THSD7B: variants seen among roughly 807,000 people sequenced by gnomAD.
THSD7B encodes the protein thrombospondin type 1 domain containing 7B, also known as thrombospondin type-1 domain-containing protein 7B.
Under a neutral mutation model 213.6 loss-of-function variants are expected in THSD7B, and 138 were observed. The ratio of observed to expected loss-of-function variants is 0.65; its 90% CI spans 0.56 to 0.74. The LOEUF (loss-of-function observed/expected upper bound fraction) is 0.74, where lower values mean the gene tolerates loss of function less well. Ranked by LOEUF, THSD7B falls within the 30% of genes least tolerant of loss-of-function variation. THSD7B has a pLI of 0.00. For synonymous variants in THSD7B, 742 were observed against 687.0 expected (o/e 1.08, Z -1.25); for missense variants, 1,931 against 1,991.5 (o/e 0.97, Z 0.58).
intron 16 of THSD7B, 38 bp downstream of exon 16, chr2:137,563,392 G>A (rs1400850874): frequency 1.2e-6 from 2 of 1,607,576 alleles, no homozygotes; most frequent in Admixed American, 3.4e-5. Context: ...ATAGGGGGAA[G>A]TGGAACTTAT....
rs3050089 is a variant in THSD7B at position 137,097,769 on chromosome 2, GACACACACACACAC to G, written c.1199+2675_1199+2688del. On this transcript the variant is annotated intron_variant, in intron 4 of 27. Coordinates refer to ENST00000409968, the MANE Select transcript of THSD7B (RefSeq NM_001316349.2). Reference sequence around the variant, plus strand: ...ACTGTTTGAAAATGCCGCTAAGTTTGACACACACACACACACACACACACACACACACACACACA... The same window carrying G: ...ACTGTTTGAAAATGCCGCTAAGTTTGACACACACACACACACACACACACA... 9.9e-5 allele frequency among the ~76,000 whole-genome samples: 14 copies of G among 141,448 alleles called. No homozygotes were observed. The South Asian group carries it at 1.9e-3, about 19-fold the overall frequency. 92.8% of individuals were successfully genotyped at this position (141,448 alleles called of 152,430 possible).
At chr2:137,087,266 T>C (rs1474279928) in intron 3 of THSD7B, among the ~76,000 whole-genome samples, 4 of 152,172 alleles carry the variant, frequency 2.6e-5, no homozygotes, top group African/African-American at 7.2e-5. Context: ...TTTATACTTA[T>C]TAATTACACT....
chr2:137,075,097 G>T (rs557018663), intron 3 of THSD7B, among the ~76,000 whole-genome samples: 15 of 152,058 alleles, frequency 9.9e-5, no homozygotes, highest in Admixed American at 2.0e-4. Flanking sequence ...TATCTTTGTG[G>T]CGTTCTGTGT....
intron 2 of THSD7B, among the ~76,000 whole-genome samples, chr2:136,948,035 T>C (rs1684973609): frequency 6.6e-6 from 1 of 152,246 alleles, no homozygotes; most frequent in South Asian, 2.1e-4. Context: ...TGAGTTTACA[T>C]GACCATCTTC....
chr2:137,155,694 C>T (rs942920922), intron 5 of THSD7B, among the ~76,000 whole-genome samples: 1 of 152,088 alleles, frequency 6.6e-6, no homozygotes, highest in South Asian at 2.1e-4. Context: ...CTCACTGCCT[C>T]CTTGATGGGG....
At chr2:137,052,029 T>C (rs1159296254) in intron 2 of THSD7B, among the ~76,000 whole-genome samples, 1 of 152,178 alleles carries the variant, frequency 6.6e-6, no homozygotes, top group Non-Finnish European at 1.5e-5. Flanking sequence ...ATTACAGCAT[T>C]CACATATTTG....
chr2:137,317,385 A>T (rs113500982), intron 12 of THSD7B, among the ~76,000 whole-genome samples: 14 of 152,370 alleles, frequency 9.2e-5, no homozygotes, highest in Non-Finnish European at 1.8e-4. Flanking sequence ...ACGTTCTGCA[A>T]TTACCTAACA....
At chr2:136,829,564 C>G (rs1371189355) in intron 1 of THSD7B, among the ~76,000 whole-genome samples, 1 of 152,140 alleles carries the variant, frequency 6.6e-6, no homozygotes, top group Non-Finnish European at 1.5e-5. Flanking sequence ...AGAAGAAAAT[C>G]TGTGGTCATA....
chr2:137,395,809 G>A (rs1488080182), intron 12 of THSD7B, among the ~76,000 whole-genome samples: 19 of 150,332 alleles, frequency 1.3e-4, no homozygotes, highest in Admixed American at 6.6e-4. Flanking sequence ...CTTTTTGGTT[G>A]GTAAACTATT....
chr2:137,389,993 G>A (rs910049610), intron 12 of THSD7B, among the ~76,000 whole-genome samples: 1 of 152,098 alleles, frequency 6.6e-6, no homozygotes, highest in Non-Finnish European at 1.5e-5. Context: ...GATGCCTCCA[G>A]CTTTGTTCTT....
intron 2 of THSD7B, among the ~76,000 whole-genome samples, chr2:137,004,290 C>T (rs1424363529): frequency 7.9e-6 from 1 of 126,888 alleles, no homozygotes; most frequent in South Asian, 2.8e-4. Flanking sequence ...AGTGTGTGTG[C>T]ACACGTACAC....
Position 137,444,264 on chromosome 2 carries a change from T to C in THSD7B, c.2960-6581T>C, listed in dbSNP as rs141964052. Among the ~76,000 whole-genome samples the C allele has an allele frequency of 3.9e-5, 6 of 152,206 alleles. No homozygotes were observed. The East Asian group carries it at 9.6e-4, about 24-fold the overall frequency. ...TCACCAAGGCAAGCTGGTAACTCTA[T>C]TGCATTTGATTTACATTTTCACATG... is the stretch of plus-strand genomic sequence containing the variant. On this transcript the variant is annotated intron_variant, in intron 14 of 27. Coordinates refer to ENST00000409968, the MANE Select transcript of THSD7B (RefSeq NM_001316349.2).
At chr2:137,305,446 G>A (rs893610874) in intron 12 of THSD7B, among the ~76,000 whole-genome samples, 1 of 152,110 alleles carries the variant, frequency 6.6e-6, no homozygotes, top group Non-Finnish European at 1.5e-5. Context: ...TTGGAACCCA[G>A]GAGGATGAAT....
rs115120161 is a variant in THSD7B, at chr2:137,248,116, T to C, written c.2266+5544T>C. On this transcript the variant is annotated intron_variant, in intron 10 of 27. Transcript: ENST00000409968. ...ATATTTTCAGCGTTAAAACTCTCCA[T>C]AGGTGACTCTTACTAGTGGTGGAGG... 3.4e-3 allele frequency among the ~76,000 whole-genome samples: 522 copies of C among 152,314 alleles called. 6 individuals carry two copies. The highest frequency in any genetic ancestry group is 0.012 in the African/African-American group (499 of 41,578).
At chr2:137,393,635 CT>C (rs1309762827) in intron 12 of THSD7B, among the ~76,000 whole-genome samples, 1 of 143,662 alleles carries the variant, frequency 7.0e-6, no homozygotes, top group Non-Finnish European at 1.6e-5. Flanking sequence ...GTGCATGTGT[CT>C]TTATAGCAGC....
chr2:136,824,357 A>G lies in THSD7B; in HGVS notation c.-35-57787A>G, dbSNP rs571846219. Among the ~76,000 whole-genome samples the G allele has an allele frequency of 1.1e-4, 17 of 152,170 alleles. No homozygotes were observed. The East Asian group carries it at 2.9e-3, about 26-fold the overall frequency. On this transcript the variant is annotated intron_variant, in intron 1 of 27. Coordinates refer to ENST00000409968, the MANE Select transcript of THSD7B (RefSeq NM_001316349.2). ...TACTTTGTACTGAGCAGATATATAT[A>G]TATAAGCTCCCTTTGATTATTTAAT...
rs185662908 is a variant in THSD7B at position 137,402,544 on chromosome 2, G to T, written c.2501-3069G>T. Among the ~76,000 whole-genome samples the T allele has an allele frequency of 1.3e-3, 192 of 151,922 alleles. 1 individual carries two copies. The highest frequency in any genetic ancestry group is 4.3e-3 in the African/African-American group (178 of 41,468). On this transcript the variant is annotated intron_variant, in intron 12 of 27. Coordinates refer to ENST00000409968, the MANE Select transcript of THSD7B (RefSeq NM_001316349.2). ...ATGTTATTTATATACATCAAGCACA[G>T]AGTGGCTCACACCTGTAATCCCAGC...
rs1204944248 is a variant in THSD7B at position 137,656,806 on chromosome 2, T to C, written c.4116T>C (p.His1372=). The C allele has an allele frequency of 1.9e-6, 3 of 1,613,860 alleles. No homozygotes were observed. The Admixed American group carries it at 5.0e-5, about 27-fold the overall frequency. ...LCSVPCPGDC[H]LTEWSEWSTC... is the part of the protein sequence containing the mutation. The stretch of plus-strand genomic sequence containing the variant: ...TGCATGACTGTCCAGGAGACTGCCA[T>C]TTAACAGAATGGTCAGAGTGGAGCA... Residue 1372 remains histidine, a synonymous_variant, in exon 23 of 28, where the codon CAT becomes CAC. Transcript: ENST00000409968.
intron 1 of THSD7B, among the ~76,000 whole-genome samples, chr2:136,880,513 C>T (rs915876927): frequency 2.6e-5 from 4 of 152,128 alleles, no homozygotes; most frequent in Admixed American, 6.6e-5. Flanking sequence ...ACATGGATAT[C>T]TGGTAGCCTC....
Sources: allele counts gnomAD v4.1 joint callset (sites outside exome capture counted in the v4.1 genomes callset), GRCh38; gene constraint gnomAD v4.1.1; transcripts MANE v1.5; gene names NCBI Gene and HGNC (gene_info 2026-07-23, HGNC 2026-07-21).